Variants in KAZN observed in about 807,000 individuals in gnomAD.
KAZN encodes kazrin.
In KAZN, 40 loss-of-function variants were observed where a neutral mutation model predicts 87.4. The ratio of observed to expected loss-of-function variants is 0.46; its 90% confidence interval spans 0.36 to 0.60. KAZN has a LOEUF of 0.60. Ranked by LOEUF, KAZN falls within the 20% of genes least tolerant of loss-of-function variation. KAZN has a pLI of 0.00. For missense variants in KAZN, 898 were observed against 1,073.9 expected (o/e 0.84, Z 2.29); for synonymous variants, 466 against 458.3 (o/e 1.02, Z -0.22).
intron 1 of KAZN, among the ~76,000 whole-genome samples, chr1:14,799,160 T>C (rs1645927346): frequency 6.6e-6 from 1 of 152,136 alleles, no homozygotes; most frequent in Admixed American, 6.5e-5. Flanking sequence ...ATTTGTGGCA[T>C]TGTTTGTTAC....
chr1:14,354,920 T>C (rs1658884500), intron 2 of KAZN, among the ~76,000 whole-genome samples: 1 of 152,160 alleles, frequency 6.6e-6, no homozygotes, highest in Non-Finnish European at 1.5e-5. Flanking sequence ...ACTTTATTCA[T>C]AATAGTCCAA....
chr1:14,023,913 G>A (rs949284667), intron 1 of KAZN, among the ~76,000 whole-genome samples: 1 of 152,116 alleles, frequency 6.6e-6, no homozygotes, highest in Non-Finnish European at 1.5e-5. Context: ...AACGTGTAGA[G>A]GTTCACCAGA....
chr1:14,058,970 A>G (rs1642684420), intron 1 of KAZN, among the ~76,000 whole-genome samples: 1 of 152,212 alleles, frequency 6.6e-6, no homozygotes. Context: ...GGCTGGAATT[A>G]TTGCTATGAT....
intron 10 of KAZN, 73 bp downstream of exon 10, chr1:15,095,006 G>T: frequency 9.4e-7 from 1 of 1,059,576 alleles, no homozygotes; most frequent in East Asian, 2.6e-5. Context: ...CACAGGTGGG[G>T]TGAGCGGGGC....
intron 2 of KAZN, among the ~76,000 whole-genome samples, chr1:14,570,415 C>A (rs72863616): frequency 2.4e-4 from 36 of 152,174 alleles, no homozygotes; most frequent in Non-Finnish European, 5.0e-4. Context: ...CTATCCCTAG[C>A]CCCAGATCAC....
chr1:14,432,698 T>C (rs1278446538), intron 2 of KAZN, among the ~76,000 whole-genome samples: 1 of 152,140 alleles, frequency 6.6e-6, no homozygotes, highest in Non-Finnish European at 1.5e-5. Flanking sequence ...ATTAGGTATT[T>C]GTCCTAATGT....
At chr1:14,082,836 CCCTCCCACTTTA>C (rs1643731357) in intron 1 of KAZN, among the ~76,000 whole-genome samples, 1 of 152,110 alleles carries the variant, frequency 6.6e-6, no homozygotes, top group Non-Finnish European at 1.5e-5. Context: ...CTCTAAGTAC[CCCTCCCACTTTA>C]CCTCCCACTT....
intron 2 of KAZN, among the ~76,000 whole-genome samples, chr1:14,209,385 C>G (rs554138954): frequency 1.3e-5 from 2 of 152,256 alleles, no homozygotes; most frequent in East Asian, 1.9e-4. Flanking sequence ...ATATAAGAAC[C>G]AGGGGAGATG....
At chr1:13,991,315 G>A (rs976167736) in intron 1 of KAZN, among the ~76,000 whole-genome samples, 2 of 151,960 alleles carry the variant, frequency 1.3e-5, no homozygotes, top group African/African-American at 4.8e-5. Flanking sequence ...GAGGGCTAGG[G>A]GAGGGATAGC....
chr1:14,332,636 C>T (rs1456252490), intron 2 of KAZN, among the ~76,000 whole-genome samples: 1 of 152,136 alleles, frequency 6.6e-6, no homozygotes, highest in Non-Finnish European at 1.5e-5. Context: ...CTTAATTGCA[C>T]CTCCTATGGA....
At chr1:13,970,137 C>T (rs1443383015) in intron 1 of KAZN, among the ~76,000 whole-genome samples, 2 of 152,158 alleles carry the variant, frequency 1.3e-5, no homozygotes, top group Non-Finnish European at 2.9e-5. Flanking sequence ...AAAAAAGAGG[C>T]TGAAAGGTCA....
intron 1 of KAZN, among the ~76,000 whole-genome samples, chr1:14,818,700 T>G (rs1275601395): frequency 5.3e-5 from 8 of 152,184 alleles, no homozygotes; most frequent in South Asian, 2.1e-4. Flanking sequence ...AGACCTCGGA[T>G]GCATTCCTTG....
At chr1:14,982,417 ATTTTTTTTTTTTTT>A (rs71000353) in intron 2 of KAZN, among the ~76,000 whole-genome samples, 37 of 64,830 alleles carry the variant, frequency 5.7e-4, no homozygotes, top group Admixed American at 3.8e-3. Flanking sequence ...AGCACCTGAG[ATTTTTTTTTTTTTT>A]TTTTTTTTTT....
chr1:14,918,593 T>C (rs975589589), intron 1 of KAZN, among the ~76,000 whole-genome samples: 4 of 149,512 alleles, frequency 2.7e-5, no homozygotes, highest in East Asian at 2.0e-4. Context: ...GGAGAATTGC[T>C]TGAACTCGGG....
At chr1:14,187,402 T>C (rs1646331443) in intron 2 of KAZN, among the ~76,000 whole-genome samples, 1 of 152,174 alleles carries the variant, frequency 6.6e-6, no homozygotes, top group Admixed American at 6.5e-5. Flanking sequence ...AAGAATATGG[T>C]TTACAAAAGT....
intron 1 of KAZN, among the ~76,000 whole-genome samples, chr1:14,028,382 G>C (rs1334899018): frequency 6.6e-6 from 1 of 152,126 alleles, no homozygotes; most frequent in Non-Finnish European, 1.5e-5. Flanking sequence ...TTGTATCCTG[G>C]TAGATCCTGG....
At chr1:14,199,226 C>G (rs915197973) in intron 2 of KAZN, among the ~76,000 whole-genome samples, 1 of 152,156 alleles carries the variant, frequency 6.6e-6, no homozygotes, top group African/African-American at 2.4e-5. Flanking sequence ...TAATAGCCTG[C>G]TGAAAGTGAC....
chr1:13,967,683 T>A (rs1187436620), intron 1 of KAZN, among the ~76,000 whole-genome samples: 1 of 152,186 alleles, frequency 6.6e-6, no homozygotes, highest in Non-Finnish European at 1.5e-5. Context: ...AGTGCCTTCA[T>A]ACGTTCCATG....
intron 1 of KAZN, among the ~76,000 whole-genome samples, chr1:14,913,082 G>T (rs1262990534): frequency 6.6e-6 from 1 of 152,180 alleles, no homozygotes; most frequent in African/African-American, 2.4e-5. Flanking sequence ...CAACTGGGAG[G>T]CCCCGAGCTA....
Sources: gnomAD v4.1 joint callset for allele counts (sites outside exome capture counted in the v4.1 genomes callset) on GRCh38, gnomAD v4.1.1 for gene constraint, MANE v1.5 for transcripts, NCBI Gene and HGNC (gene_info 2026-07-23, HGNC 2026-07-21) for gene names.